GIT2: variants seen among roughly 807,000 people sequenced by gnomAD.
GIT2 encodes GIT ArfGAP 2.
In GIT2, 32 loss-of-function variants were observed where a neutral mutation model predicts 100.3. The observed-to-expected ratio is 0.32, with a 90% CI of 0.24 to 0.43. GIT2 has a LOEUF of 0.43. Among genes scored for constraint, GIT2 ranks in the 20% least tolerant of loss-of-function variants. The pLI, the probability that GIT2 is intolerant of heterozygous loss-of-function variation, is 1.00. For missense variants in GIT2, 737 were observed against 975.1 expected, an observed-to-expected ratio of 0.76 and a Z score of 3.25; for synonymous variants, 353 against 364.1, an observed-to-expected ratio of 0.97 and a Z score of 0.35.
At chr12:109,969,599 T>G (rs1221388028) in intron 7 of GIT2, among the ~76,000 whole-genome samples, 1 of 152,058 alleles carries the variant, frequency 6.6e-6, no homozygotes, top group African/African-American at 2.4e-5. Context: ...CAGGCTGGAG[T>G]ACAGTGGCAT....
intron 6 of GIT2, 105 bp from the exon 7 acceptor site, chr12:109,981,151 G>T: frequency 1.3e-6 from 1 of 752,830 alleles, no homozygotes; most frequent in Non-Finnish European, 2.4e-6. Flanking sequence ...TATCACACAA[G>T]ACTTTTGAGA....
chr12:109,950,911 A>T (rs1877658555), intron 14 of GIT2: 1 of 385,528 alleles, frequency 2.6e-6, no homozygotes, highest in Non-Finnish European at 4.8e-6. Context: ...AGCACAGAAT[A>T]GTCCAAGGGT....
rs138100852 is a variant in GIT2, at chr12:109,992,911, A to T, written c.53-1151T>A. ...GGTCTCAAACTCCTGACCTCAGGTG[A>T]TCCACTCACCTCGACCTCCTAAAGT... On this transcript the variant is annotated intron_variant, in intron 1 of 19. Coordinates refer to ENST00000355312, the MANE Select transcript of GIT2 (RefSeq NM_057169.5). Among the ~76,000 whole-genome samples, 16 of 151,938 alleles carry T rather than the reference A, an allele frequency of 1.1e-4. No homozygotes were observed. In the East Asian group the frequency reaches 3.1e-3, roughly 29 times the overall value.
Position 109,945,299 on chromosome 12 carries a change from G to T in GIT2, c.1692C>A (p.Pro564=). Residue 564 remains proline, a synonymous_variant, in exon 16 of 20, where the codon CCC becomes CCA. Transcript: ENST00000355312. ...CGTCCCTCGACCAGGAAAGTGTGGA[G>T]GGGAAGGAAGGCAGAGATGAAGAGG... The part of the protein sequence containing the change: ...VTSSSSLPSF[P]STLSWSRDES... 1 of 1,587,686 alleles carries T rather than the reference G, an allele frequency of 6.3e-7. No homozygotes were observed. The highest frequency in any genetic ancestry group is 8.6e-7 in the Non-Finnish European group (1 of 1,156,138).
intron 8 of GIT2, among the ~76,000 whole-genome samples, chr12:109,966,508 CAAAAAA>C (rs749586402): frequency 4.3e-5 from 3 of 70,238 alleles, no homozygotes; most frequent in South Asian, 5.9e-4. Flanking sequence ...GACTCTGTCT[CAAAAAA>C]AAAAAAAAAA....
chr12:109,948,812 G>A lies in GIT2; in HGVS notation c.1393-1308C>T. On this transcript the variant is annotated intron_variant, in intron 14 of 19. Transcript: ENST00000355312. The surrounding 1 kb of genome is among the most constrained non-coding windows in gnomAD (Gnocchi z 4.3). ...TGTGAAAAATACACCAATAGTAGTTGCTCCTCTTCATTAATTAGCATCTTT... is the reference window on the plus strand; with the variant it reads ...TGTGAAAAATACACCAATAGTAGTTACTCCTCTTCATTAATTAGCATCTTT... The A allele has an allele frequency of 6.2e-7, 1 of 1,603,640 alleles. No homozygotes were observed. Among genetic ancestry groups the A allele is most frequent in the Non-Finnish European group, 8.5e-7 (1 of 1,175,018 alleles).
At chr12:109,979,469 T>C (rs142373787) in intron 7 of GIT2, among the ~76,000 whole-genome samples, 4,289 of 152,022 alleles carry the variant, frequency 0.028, 147 homozygotes, top group Admixed American at 0.092. Context: ...GAGACAGGGT[T>C]TCACCATGTT....
intron 7 of GIT2, among the ~76,000 whole-genome samples, chr12:109,978,476 A>T (rs1233143369): frequency 3.3e-5 from 5 of 152,126 alleles, no homozygotes; most frequent in Admixed American, 3.3e-4. Flanking sequence ...CCAACGACAT[A>T]AATGTCAGAC....
intron 14 of GIT2, among the ~76,000 whole-genome samples, chr12:109,950,056 GCTA>G (rs1172248693): frequency 6.6e-6 from 1 of 152,142 alleles, no homozygotes; most frequent in African/African-American, 2.4e-5. Context: ...TTCATTCCCT[GCTA>G]CTATAGGCAT....
At chr12:109,979,234 G>A (rs914402248) in intron 7 of GIT2, among the ~76,000 whole-genome samples, 1 of 147,964 alleles carries the variant, frequency 6.8e-6, no homozygotes, top group African/African-American at 2.5e-5. Context: ...TCTCTGTCCT[G>A]TAGAAGTCCC....
chr12:109,954,375 A>C (rs1470625697), intron 12 of GIT2: 1 of 152,232 alleles, frequency 6.6e-6, no homozygotes, highest in Non-Finnish European at 1.5e-5. Flanking sequence ...ATAAAGGAGA[A>C]TGAATCAAAC....
chr12:109,938,337 A>G (rs372198006), intron 18 of GIT2, 43 bp downstream of exon 18: 15 of 1,456,436 alleles, frequency 1.0e-5, no homozygotes, highest in Non-Finnish European at 1.3e-5. Flanking sequence ...TTCTGGGCGC[A>G]TAACTCATGC....
rs972188748 is a variant in GIT2, at chr12:109,931,861, C to T, written c.*1117G>A. 6.6e-6 allele frequency: 1 copy of T among 152,252 alleles called. No homozygotes were observed. The highest frequency in any genetic ancestry group is 1.5e-5 in the Non-Finnish European group (1 of 68,060). 9.4% of individuals were successfully genotyped at this position (152,252 alleles called of 1,614,324 possible). ...GTAGCAGGCAGCCAGCTAGAGCACA[C>T]TCTCTAAGGAACTCTTGAAAGTTGA... On this transcript the variant is annotated 3_prime_UTR_variant, in exon 20 of 20. Transcript: ENST00000355312.
At chr12:109,983,768 C>A (rs150078124) in intron 4 of GIT2, 74 bp from the exon 5 acceptor site, 27 of 875,548 alleles carry the variant, frequency 3.1e-5, no homozygotes, top group African/African-American at 2.4e-4. Flanking sequence ...AGCTGATAGA[C>A]CATTTTAATA....
chr12:109,953,725 A>G (rs1314915270), intron 12 of GIT2: 2 of 152,342 alleles, frequency 1.3e-5, no homozygotes, highest in African/African-American at 4.8e-5. Flanking sequence ...GATAACAGAA[A>G]AAGTTTTCAA....
At chr12:109,939,515 A>G (rs528735710) in intron 16 of GIT2, 5 of 285,184 alleles carry the variant, frequency 1.8e-5, no homozygotes, top group African/African-American at 8.9e-5. Context: ...GCAAGGCAAC[A>G]TATCCTCATT....
chr12:109,999,674 T>A, upstream of GIT2: 2 of 1,528,800 alleles, frequency 1.3e-6, no homozygotes, highest in Non-Finnish European at 1.8e-6. This position sits in a 1 kb window ranked among gnomAD's most constrained non-coding sequence, Gnocchi z 4.3. Context: ...AGGACCAGGT[T>A]ACGGCCTCCT....
intron 12 of GIT2, 155 bp from the exon 13 acceptor site, chr12:109,953,389 G>A: frequency 1.5e-6 from 1 of 678,304 alleles, no homozygotes; most frequent in Non-Finnish European, 2.5e-6. Context: ...GGAGGCCAAG[G>A]AGGAGAACTG....
intron 18 of GIT2, among the ~76,000 whole-genome samples, chr12:109,936,299 G>A (rs1872958716): frequency 1.3e-5 from 2 of 149,688 alleles, no homozygotes; most frequent in African/African-American, 5.0e-5. Context: ...TATATGTGTT[G>A]TTGAATGGAT....
Sources: allele counts gnomAD v4.1 joint callset (sites outside exome capture counted in the v4.1 genomes callset), GRCh38; gene constraint gnomAD v4.1.1; non-coding constraint Gnocchi (gnomAD v3.1); transcripts MANE v1.5; gene names NCBI Gene and HGNC (gene_info 2026-07-23, HGNC 2026-07-21).